Variants in SLC9A9 observed in about 807,000 individuals in gnomAD.
SLC9A9 encodes solute carrier family 9 member A9, also known as sodium/hydrogen exchanger 9.
SLC9A9 carries 62 observed loss-of-function variants against 77.8 expected under a neutral mutation model. The observed-to-expected ratio is 0.80, with a 90% CI of 0.65 to 0.98. SLC9A9 has a LOEUF of 0.98. Among genes scored for constraint, SLC9A9 ranks in the 50% least tolerant of loss-of-function variants. SLC9A9 has a pLI of 0.00. For synonymous variants in SLC9A9, 320 were observed against 283.5 expected (o/e 1.13, Z -1.29); for missense variants, 775 against 774.9 (o/e 1.00, Z 0.00).
intron 11 of SLC9A9, among the ~76,000 whole-genome samples, chr3:143,484,851 A>C (rs560208904): frequency 1.3e-5 from 2 of 152,164 alleles, no homozygotes; most frequent in Admixed American, 6.5e-5. Flanking sequence ...CATTGTTATT[A>C]TTTTTTAATC....
chr3:143,848,004 G>T, intron 1 of SLC9A9, 144 bp downstream of exon 1: 1 of 869,996 alleles, frequency 1.1e-6, no homozygotes, highest in Non-Finnish European at 1.8e-6. Context: ...ATTAGCATTC[G>T]TTACGCTGCA....
intron 12 of SLC9A9, among the ~76,000 whole-genome samples, chr3:143,443,839 T>C (rs978500948): frequency 1.3e-5 from 2 of 151,264 alleles, no homozygotes; most frequent in African/African-American, 4.9e-5. Flanking sequence ...AGCAATTGAA[T>C]TGTAGTTTTC....
chr3:143,353,751 G>T (rs547128390), intron 14 of SLC9A9, among the ~76,000 whole-genome samples: 1 of 151,952 alleles, frequency 6.6e-6, no homozygotes, highest in Non-Finnish European at 1.5e-5. Flanking sequence ...CTTAGGAGAA[G>T]GCAGAAGACT....
At chr3:143,356,274 A>T (rs1227775996) in intron 14 of SLC9A9, among the ~76,000 whole-genome samples, 1 of 152,208 alleles carries the variant, frequency 6.6e-6, no homozygotes. Flanking sequence ...TGGTTCTGAG[A>T]GGCCAGTGAA....
intron 9 of SLC9A9, 66 bp downstream of exon 9, chr3:143,552,296 C>T (rs1273015954): frequency 7.7e-6 from 9 of 1,169,160 alleles, no homozygotes; most frequent in Non-Finnish European, 8.8e-6. Context: ...ACTATACTGC[C>T]AGAATTGCTA....
At chr3:143,579,879 T>G (rs2037424913) in intron 6 of SLC9A9, among the ~76,000 whole-genome samples, 1 of 152,200 alleles carries the variant, frequency 6.6e-6, no homozygotes, top group African/African-American at 2.4e-5. Flanking sequence ...ACTCCAATGC[T>G]TCTACAGGAA....
At chr3:143,482,680 C>CA (rs769344223) in intron 11 of SLC9A9, among the ~76,000 whole-genome samples, 5 of 152,198 alleles carry the variant, frequency 3.3e-5, no homozygotes, top group Non-Finnish European at 7.3e-5. Context: ...CTCCTTCCAG[C>CA]AACTCCTGGT....
At position 143,574,081 on chromosome 3, in the gene SLC9A9, C is replaced by T. The variant is rs1331021725; in HGVS notation, c.1000+7G>A. 1.9e-6 allele frequency: 3 copies of T among 1,611,810 alleles called. No homozygotes were observed. In the Admixed American group the frequency reaches 5.0e-5, roughly 27 times the overall value. On this transcript the variant is annotated splice_region_variant and intron_variant, in intron 8 of 15. Coordinates refer to ENST00000316549, the MANE Select transcript of SLC9A9 (RefSeq NM_173653.4). ...ATCCAGTTGGCTGTGCAGCATGAAG[C>T]ACTGACCTGTTAGGCCGGCAGCCTC...
At chr3:143,316,302 G>A (rs1160918069) in intron 14 of SLC9A9, among the ~76,000 whole-genome samples, 1 of 152,176 alleles carries the variant, frequency 6.6e-6, no homozygotes, top group African/African-American at 2.4e-5. Context: ...CATCAGTGAA[G>A]ACACAAGTGT....
intron 4 of SLC9A9, among the ~76,000 whole-genome samples, chr3:143,715,312 A>G (rs917272552): frequency 3.9e-5 from 6 of 152,148 alleles, no homozygotes; most frequent in Non-Finnish European, 7.4e-5. Flanking sequence ...CCAGGTTTCT[A>G]ATAATGACTT....
intron 5 of SLC9A9, among the ~76,000 whole-genome samples, chr3:143,678,251 GT>G (rs1192192818): frequency 4.6e-5 from 7 of 152,086 alleles, no homozygotes; most frequent in African/African-American, 1.7e-4. Context: ...TCCCCAGTGT[GT>G]TGCCTATCTA....
intron 11 of SLC9A9, 57 bp downstream of exon 11, chr3:143,493,596 T>C: frequency 6.7e-6 from 10 of 1,492,238 alleles, no homozygotes; most frequent in Non-Finnish European, 9.3e-6. Flanking sequence ...TGGTTTTTCA[T>C]GTTCTGTAAA....
chr3:143,617,042 A>G (rs1282689498), intron 6 of SLC9A9, among the ~76,000 whole-genome samples: 1 of 152,204 alleles, frequency 6.6e-6, no homozygotes, highest in African/African-American at 2.4e-5. Flanking sequence ...TGGGCTTTAG[A>G]AAGAGTCAGG....
chr3:143,349,942 C>T (rs1033842078), intron 14 of SLC9A9, among the ~76,000 whole-genome samples: 23 of 152,174 alleles, frequency 1.5e-4, no homozygotes, highest in Non-Finnish European at 2.4e-4. Context: ...ACTCCATCCG[C>T]GAGGCAAGGC....
chr3:143,624,656 A>T (rs2038285356), intron 6 of SLC9A9, among the ~76,000 whole-genome samples: 1 of 152,222 alleles, frequency 6.6e-6, no homozygotes, highest in African/African-American at 2.4e-5. Flanking sequence ...CACAGCCAAT[A>T]TCATACTGAA....
At chr3:143,571,994 G>A (rs1007165024) in intron 8 of SLC9A9, among the ~76,000 whole-genome samples, 2 of 152,210 alleles carry the variant, frequency 1.3e-5, no homozygotes, top group Non-Finnish European at 2.9e-5. Context: ...CCTAAATCTA[G>A]TGTACTACTC....
At chr3:143,509,994 C>G (rs2036088935) in intron 9 of SLC9A9, among the ~76,000 whole-genome samples, 1 of 152,084 alleles carries the variant, frequency 6.6e-6, no homozygotes, top group South Asian at 2.1e-4. Flanking sequence ...TTAACAAGAG[C>G]CATGCTTGTT....
chr3:143,767,370 C>CTGTGTGTGTG (rs1304114618), intron 4 of SLC9A9, among the ~76,000 whole-genome samples: 32 of 117,588 alleles, frequency 2.7e-4, no homozygotes, highest in African/African-American at 1.3e-3. Context: ...CAGTAAGTGT[C>CTGTGTGTGTG]TGTGTATGTG....
chr3:143,620,314 G>C (rs1326043453), intron 6 of SLC9A9, among the ~76,000 whole-genome samples: 1 of 152,236 alleles, frequency 6.6e-6, no homozygotes, highest in Non-Finnish European at 1.5e-5. Flanking sequence ...TAAGAAGTAA[G>C]TATAGCATAG....
Sources: gnomAD v4.1 joint callset for allele counts (sites outside exome capture counted in the v4.1 genomes callset) on GRCh38, gnomAD v4.1.1 for gene constraint, MANE v1.5 for transcripts, NCBI Gene and HGNC (gene_info 2026-07-23, HGNC 2026-07-21) for gene names.